GRM3: variants seen among roughly 807,000 people sequenced by gnomAD.
GRM3 encodes the protein metabotropic glutamate receptor 3.
In GRM3, 26 loss-of-function variants were observed where a neutral mutation model predicts 70.5. The observed-to-expected ratio is 0.37, with a 90% CI of 0.27 to 0.51. The LOEUF (loss-of-function observed/expected upper bound fraction) is 0.51, where lower values mean the gene tolerates loss of function less well. Ranked by LOEUF, GRM3 falls within the 20% of genes least tolerant of loss-of-function variation. The pLI is 0.93. For missense variants in GRM3, 859 were observed against 1,123.8 expected (o/e 0.76, Z 3.37); for synonymous variants, 443 against 434.9 (o/e 1.02, Z -0.23).
At chr7:86,734,055 C>T (rs938347855) in intron 1 of GRM3, among the ~76,000 whole-genome samples, 5 of 152,124 alleles carry the variant, frequency 3.3e-5, no homozygotes, top group African/African-American at 1.2e-4. Context: ...TCCAGTTTTA[C>T]TGAGACTGTG....
At chr7:86,687,811 T>C (rs1794601719) in intron 1 of GRM3, among the ~76,000 whole-genome samples, 1 of 151,820 alleles carries the variant, frequency 6.6e-6, no homozygotes, top group African/African-American at 2.4e-5. Context: ...CGAAAGGGAA[T>C]GATGAAATTA....
chr7:86,669,544 T>G (rs939552257), intron 1 of GRM3, among the ~76,000 whole-genome samples: 5 of 152,214 alleles, frequency 3.3e-5, no homozygotes, highest in Non-Finnish European at 5.9e-5. Context: ...TAGATCCTTT[T>G]AAGACTTAGC....
At chr7:86,722,204 T>A (rs1795483253) in intron 1 of GRM3, among the ~76,000 whole-genome samples, 1 of 151,934 alleles carries the variant, frequency 6.6e-6, no homozygotes, top group South Asian at 2.1e-4. Flanking sequence ...CTCAGAAAAC[T>A]TTTTTTAAAA....
At chr7:86,698,239 T>C (rs374418473) in intron 1 of GRM3, among the ~76,000 whole-genome samples, 4 of 152,212 alleles carry the variant, frequency 2.6e-5, no homozygotes, top group African/African-American at 9.6e-5. Flanking sequence ...GACATTCTTA[T>C]GACAAAGAAC....
chr7:86,673,285 T>G (rs1240653382), intron 1 of GRM3, among the ~76,000 whole-genome samples: 3 of 152,178 alleles, frequency 2.0e-5, no homozygotes, highest in South Asian at 2.1e-4. Flanking sequence ...GGGAAGTAAG[T>G]GTAGCAAGAC....
At chr7:86,660,337 T>C (rs949836101) in intron 1 of GRM3, among the ~76,000 whole-genome samples, 5 of 152,148 alleles carry the variant, frequency 3.3e-5, no homozygotes, top group Non-Finnish European at 7.4e-5. Context: ...AGAGCTCTAA[T>C]AGACTGGGAA....
chr7:86,769,690 G>T (rs1282169932), intron 2 of GRM3, among the ~76,000 whole-genome samples: 1 of 152,116 alleles, frequency 6.6e-6, no homozygotes, highest in African/African-American at 2.4e-5. Context: ...TTAATGACTT[G>T]CTGGGTTAAG....
intron 5 of GRM3, among the ~76,000 whole-genome samples, chr7:86,856,612 A>G (rs1419460624): frequency 3.9e-5 from 6 of 152,172 alleles, no homozygotes; most frequent in African/African-American, 9.6e-5. Flanking sequence ...TAAAAAAAAG[A>G]AAGTCCACAG....
chr7:86,748,608 A>C (rs1235446472), intron 1 of GRM3, among the ~76,000 whole-genome samples: 2 of 152,050 alleles, frequency 1.3e-5, no homozygotes, highest in African/African-American at 4.8e-5. Context: ...ATGATACCGG[A>C]GGCTTTCTTA....
chr7:86,728,481 C>T (rs118110226), intron 1 of GRM3, among the ~76,000 whole-genome samples: 87 of 152,350 alleles, frequency 5.7e-4, no homozygotes, highest in Non-Finnish European at 1.0e-3. Context: ...AACTCAGCCT[C>T]ATCCCTTCCT....
Position 86,644,439 on chromosome 7 carries a change from C to G in GRM3, c.-574C>G. On this transcript the variant is annotated 5_prime_UTR_variant, in exon 1 of 6. Transcript: ENST00000361669. ...GGTCAAGGTGAAGGAAAGTTGCTTC[C>G]GCGCCTAGGAAGTGGGTTTGCCTGA... 3.0e-6 allele frequency: 1 copy of G among 335,066 alleles called. No individual in the cohort carries two copies. The highest frequency in any genetic ancestry group is 2.2e-5 in the South Asian group (1 of 44,684). The allele number at this position is 335,066 out of a possible 1,614,324, so 20.8% of individuals were successfully genotyped here. A position where few individuals can be genotyped will look rare whatever the true frequency, so the allele number is the denominator to read the frequency against.
intron 1 of GRM3, among the ~76,000 whole-genome samples, chr7:86,748,939 C>T (rs540270678): frequency 6.6e-6 from 1 of 152,148 alleles, no homozygotes; most frequent in African/African-American, 2.4e-5. Flanking sequence ...AGAGTAAGTG[C>T]TGAAGAAGAA....
At chr7:86,722,581 G>T (rs1169077009) in intron 1 of GRM3, among the ~76,000 whole-genome samples, 1 of 140,178 alleles carries the variant, frequency 7.1e-6, no homozygotes, top group Non-Finnish European at 1.5e-5. Flanking sequence ...AAGGCAGGGG[G>T]GCATCACACA....
chr7:86,857,467 TAA>T (rs1798872413), intron 5 of GRM3, among the ~76,000 whole-genome samples: 1 of 152,096 alleles, frequency 6.6e-6, no homozygotes, highest in Admixed American at 6.5e-5. Context: ...GGGCAAAATA[TAA>T]AAGAGGGAGC....
intron 1 of GRM3, among the ~76,000 whole-genome samples, chr7:86,701,706 G>A (rs1794949710): frequency 6.6e-6 from 1 of 151,812 alleles, no homozygotes; most frequent in African/African-American, 2.4e-5. Flanking sequence ...ATACTCTTAT[G>A]GGAAACAAAA....
intron 1 of GRM3, among the ~76,000 whole-genome samples, chr7:86,647,094 A>C (rs1793492160): frequency 6.6e-6 from 1 of 152,194 alleles, no homozygotes; most frequent in South Asian, 2.1e-4. Flanking sequence ...AATGGGGATA[A>C]TTGTCAAAAG....
chr7:86,821,624 C>T (rs1019900761), intron 3 of GRM3, among the ~76,000 whole-genome samples: 5 of 152,114 alleles, frequency 3.3e-5, no homozygotes, highest in African/African-American at 7.2e-5. Flanking sequence ...GAAAATGATG[C>T]GTGACAGCCC....
intron 1 of GRM3, among the ~76,000 whole-genome samples, chr7:86,695,777 G>C (rs944983396): frequency 2.0e-5 from 3 of 152,128 alleles, no homozygotes; most frequent in African/African-American, 7.2e-5. Flanking sequence ...TTTTTAAAAG[G>C]TGGCTAGCTT....
rs897698923 is a variant in GRM3, at chr7:86,746,863, G to C, written c.-140-18143G>C. Among the ~76,000 whole-genome samples the C allele has an allele frequency of 1.5e-4, 23 of 152,090 alleles. 1 individual carries two copies. Among genetic ancestry groups the C allele is most frequent in the Admixed American group, 1.4e-3 (22 of 15,238 alleles). Reference sequence around the variant, plus strand: ...CCTGATAAAAAGTAGAAGAAGCCAAGGGCCTCATACTGGCTTCAGATTTGA... The same window carrying C: ...CCTGATAAAAAGTAGAAGAAGCCAACGGCCTCATACTGGCTTCAGATTTGA... On this transcript the variant is annotated intron_variant, in intron 1 of 5. Coordinates refer to ENST00000361669, the MANE Select transcript of GRM3 (RefSeq NM_000840.3).
Sources: allele counts gnomAD v4.1 joint callset (sites outside exome capture counted in the v4.1 genomes callset), GRCh38; gene constraint gnomAD v4.1.1; transcripts MANE v1.5; gene names NCBI Gene and HGNC (gene_info 2026-07-23, HGNC 2026-07-21).